MTCH2: variants seen among roughly 807,000 people sequenced by gnomAD.
MTCH2 encodes the protein mitochondrial carrier homolog 2.
In MTCH2, 25 loss-of-function variants were observed where a neutral mutation model predicts 50.6. The ratio of observed to expected loss-of-function variants is 0.49; its 90% confidence interval spans 0.36 to 0.69. The LOEUF (loss-of-function observed/expected upper bound fraction) is 0.69. MTCH2 is among the 30% of genes least tolerant of loss of function. MTCH2 has a pLI of 0.00. For synonymous variants in MTCH2, 106 were observed against 132.0 expected (o/e 0.80, Z 1.35); for missense variants, 273 against 384.4 (o/e 0.71, Z 2.42).
chr11:47,630,602 A>G lies in MTCH2; in HGVS notation c.492T>C (p.Asp164=). The G allele has an allele frequency of 6.2e-7, 1 of 1,612,302 alleles. No individual in the cohort carries two copies. The highest frequency in any genetic ancestry group is 8.5e-7 in the Non-Finnish European group (1 of 1,178,326). The change falls in exon 8 of 13, where the codon GAT becomes GAC. Residue 164 remains aspartate, a synonymous_variant. Transcript: ENST00000302503. ...GRESKYCGLC[D]SIITIYREEG... ...CTTCCCGATAGATGGTTATTATGGAATCACAAAGTCCACTACGTACACAAG... is the reference window on the plus strand; with the variant it reads ...CTTCCCGATAGATGGTTATTATGGAGTCACAAAGTCCACTACGTACACAAG...
At chr11:47,605,664 A>G in the MTCH2 span, among the ~76,000 whole-genome samples, 5 of 152,302 alleles carry the variant, frequency 3.3e-5, no homozygotes, top group Non-Finnish European at 5.9e-5. Flanking sequence ...CAGCAATCGG[A>G]TAACCAACTG....
At chr11:47,612,712 G>C (rs2097286283), downstream of MTCH2, among the ~76,000 whole-genome samples, 1 of 149,450 alleles carries the variant, frequency 6.7e-6, no homozygotes, top group African/African-American at 2.5e-5. Flanking sequence ...TGGGCAACCA[G>C]AGTGAGACCC....
intron 3 of MTCH2, 112 bp from the exon 4 acceptor site, chr11:47,635,683 G>GTTTT: frequency 1.0e-6 from 1 of 967,526 alleles, no homozygotes; most frequent in Non-Finnish European, 1.5e-6. Context: ...TTTTTTTAAA[G>GTTTT]TTTTTGTTTT....
chr11:47,609,724 G>T, the MTCH2 span, among the ~76,000 whole-genome samples: 1 of 151,894 alleles, frequency 6.6e-6, no homozygotes, highest in Non-Finnish European at 1.5e-5. Context: ...AGAAGCCTGT[G>T]TAGGTAGAGG....
intron 7 of MTCH2, 118 bp downstream of exon 7, chr11:47,630,918 C>T (rs944057366): frequency 1.1e-6 from 1 of 889,878 alleles, no homozygotes; most frequent in South Asian, 1.6e-5. Flanking sequence ...GATCAAATGA[C>T]ATCAGATACG....
intron 3 of MTCH2, among the ~76,000 whole-genome samples, chr11:47,636,680 C>T (rs539048751): frequency 1.2e-4 from 18 of 149,778 alleles, no homozygotes; most frequent in Non-Finnish European, 2.1e-4. Context: ...TGCAGTGAGC[C>T]GAGACCATGC....
intron 3 of MTCH2, among the ~76,000 whole-genome samples, chr11:47,636,789 C>T (rs556681309): frequency 2.0e-5 from 3 of 152,044 alleles, no homozygotes; most frequent in South Asian, 4.2e-4. Flanking sequence ...CAGTGACTCA[C>T]GCCTGTAATC....
chr11:47,630,189 T>G (rs996780366), intron 8 of MTCH2, among the ~76,000 whole-genome samples: 1 of 152,064 alleles, frequency 6.6e-6, no homozygotes, highest in African/African-American at 2.4e-5. Context: ...CCACCACACC[T>G]AGAGGTGGGG....
Position 47,627,089 on chromosome 11 carries a change from A to T in MTCH2, c.672T>A (p.Ala224=). Residue 224 remains alanine, a synonymous_variant, in exon 10 of 13, where the codon GCT becomes GCA. Transcript: ENST00000302503. ...TMNEMKSYSQ[A]VTGFFASMLT... Reference sequence around the variant, plus strand: ...ATTTTAAAAAACTCACTCCTGTGACAGCTTGAGAATAACTCTTCATTTCAT... The same window carrying T: ...ATTTTAAAAAACTCACTCCTGTGACTGCTTGAGAATAACTCTTCATTTCAT... 1 of 1,597,682 alleles carries T rather than the reference A, an allele frequency of 6.3e-7. No homozygotes were observed. The highest frequency in any genetic ancestry group is 2.2e-5 in the East Asian group (1 of 44,756).
intron 3 of MTCH2, among the ~76,000 whole-genome samples, chr11:47,637,133 G>GCGC (rs1255174946): frequency 6.6e-6 from 1 of 151,962 alleles, no homozygotes; most frequent in East Asian, 1.9e-4. Flanking sequence ...GGGATTACAT[G>GCGC]CGCCCACCAC....
intron 1 of MTCH2, 95 bp downstream of exon 1, chr11:47,642,284 G>C: frequency 9.2e-7 from 1 of 1,090,058 alleles, no homozygotes. Context: ...TCGGGAGAAT[G>C]AAAGGCCCGC....
chr11:47,635,983 C>T lies in MTCH2; in HGVS notation c.280-412G>A, dbSNP rs147345313. On this transcript the variant is annotated intron_variant, in intron 3 of 12. Coordinates refer to ENST00000302503, the MANE Select transcript of MTCH2 (RefSeq NM_014342.4). Reference sequence around the variant, plus strand: ...TCTCTACTAAAAATACAAAAATTAGCGGAGCATTGGGGCGCACGCTTTTAA... The same window carrying T: ...TCTCTACTAAAAATACAAAAATTAGTGGAGCATTGGGGCGCACGCTTTTAA... Among the ~76,000 whole-genome samples the T allele has an allele frequency of 1.4e-4, 22 of 151,950 alleles. 3 individuals carry two copies. The highest frequency in any genetic ancestry group is 5.1e-4 in the African/African-American group (21 of 41,446).
chr11:47,606,158 A>G, the MTCH2 span, among the ~76,000 whole-genome samples: 2 of 152,250 alleles, frequency 1.3e-5, no homozygotes, highest in South Asian at 4.1e-4. Context: ...TTGAATGGCT[A>G]GGTGGTTAGG....
At chr11:47,631,462 A>G (rs553941062) in intron 6 of MTCH2, among the ~76,000 whole-genome samples, 192 bp downstream of exon 6, 1 of 152,250 alleles carries the variant, frequency 6.6e-6, no homozygotes, top group East Asian at 1.9e-4. Flanking sequence ...AGATTTTGAT[A>G]GCCCTGGGAA....
chr11:47,606,460 C>A, the MTCH2 span, among the ~76,000 whole-genome samples: 2 of 152,260 alleles, frequency 1.3e-5, no homozygotes, highest in South Asian at 4.1e-4. Context: ...TTGTACCCCA[C>A]CTTTTAAATT....
At chr11:47,641,203 C>T (rs898854696) in intron 1 of MTCH2, among the ~76,000 whole-genome samples, 1 of 152,148 alleles carries the variant, frequency 6.6e-6, no homozygotes, top group Non-Finnish European at 1.5e-5. Flanking sequence ...AGGGTTCTTA[C>T]TATATACTGC....
In MTCH2 at chr11:47,642,369, C is replaced by T; in HGVS notation, c.87+10G>A. The T allele has an allele frequency of 6.3e-7, 1 of 1,588,280 alleles. No individual in the cohort carries two copies. The highest frequency in any genetic ancestry group is 8.6e-7 in the Non-Finnish European group (1 of 1,168,794). On this transcript the variant is annotated intron_variant, in intron 1 of 12. Transcript: ENST00000302503. ...CGCCGGGCGGGGTAGGGAGCGGCGACGCCTCATACCTGGATGAGCACTTTC... is the reference window on the plus strand; with the variant it reads ...CGCCGGGCGGGGTAGGGAGCGGCGATGCCTCATACCTGGATGAGCACTTTC...
At chr11:47,605,877 C>T in the MTCH2 span, among the ~76,000 whole-genome samples, 9 of 152,254 alleles carry the variant, frequency 5.9e-5, no homozygotes, top group Admixed American at 2.0e-4. Flanking sequence ...TCATTTTCGC[C>T]GCATCTTGTT....
intron 1 of MTCH2, among the ~76,000 whole-genome samples, chr11:47,639,641 C>A (rs951879440): frequency 6.6e-6 from 1 of 152,092 alleles, no homozygotes; most frequent in African/African-American, 2.4e-5. Context: ...GAGTTCGAGA[C>A]CAGTCTGGCC....
Sources: gnomAD v4.1 joint callset for allele counts (sites outside exome capture counted in the v4.1 genomes callset) on GRCh38, gnomAD v4.1.1 for gene constraint, MANE v1.5 for transcripts, NCBI Gene and HGNC (gene_info 2026-07-23, HGNC 2026-07-21) for gene names.